GSTZ1: variants seen among roughly 807,000 people sequenced by gnomAD.
GSTZ1 encodes the protein glutathione S-transferase zeta 1.
GSTZ1 carries 34 observed loss-of-function variants against 35.9 expected under a neutral mutation model. The observed-to-expected ratio is 0.95, with a 90% confidence interval of 0.72 to 1.26. The LOEUF is 1.26. GSTZ1 is among the 50% of genes most tolerant of loss of function. The probability of loss-of-function intolerance (pLI) is 0.00; values close to 1 mark genes in which losing one functional copy is unlikely to be tolerated. For synonymous variants in GSTZ1, 93 were observed against 101.2 expected, an observed-to-expected ratio of 0.92 and a Z score of 0.49; for missense variants, 263 against 271.7, an observed-to-expected ratio of 0.97 and a Z score of 0.23.
chr14:77,323,189 C>G (rs896373652), intron 1 of GSTZ1: 2 of 152,156 alleles, frequency 1.3e-5, no homozygotes, highest in African/African-American at 4.8e-5. Flanking sequence ...TGGGCCATGG[C>G]AGACCTGAGA....
At chr14:77,328,951 C>T (rs1892471495) in intron 5 of GSTZ1, 172 bp from the exon 6 acceptor site, 1 of 561,000 alleles carries the variant, frequency 1.8e-6, no homozygotes, top group Non-Finnish European at 3.1e-6. Flanking sequence ...TGGCTACCTC[C>T]CTCCAACCTC....
rs1193506165 is a variant in GSTZ1 at position 77,329,688 on chromosome 14, A to G, written c.422-67A>G. The G allele has an allele frequency of 2.5e-5, 31 of 1,259,534 alleles. 1 individual carries two copies. Among genetic ancestry groups the G allele is most frequent in the Non-Finnish European group, 1.2e-6 (1 of 857,006 alleles). 78.0% of individuals were successfully genotyped at this position (1,259,534 alleles called of 1,614,324 possible). A position where few individuals can be genotyped will look rare whatever the true frequency, so the allele number is the denominator to read the frequency against. ...CGCCCATTTCATAACTATGGAGGCC[A>G]AGGCCCAGAAAGCTTTGTGTCCCCT... is the stretch of plus-strand genomic sequence containing the variant. On this transcript the variant is annotated intron_variant, in intron 6 of 8. Coordinates refer to ENST00000216465, the MANE Select transcript of GSTZ1 (RefSeq NM_145870.3).
intron 6 of GSTZ1, chr14:77,329,522 C>T (rs1411952480): frequency 1.7e-6 from 1 of 595,918 alleles, no homozygotes; most frequent in African/African-American, 1.9e-5. Flanking sequence ...TGGCCAGTGG[C>T]AGGGCTTGTC....
chr14:77,331,193 T>C lies in GSTZ1; in HGVS notation c.649T>C (p.Ter217GlnextTer19). The change falls in exon 9 of 9, where the codon TAG becomes CAG. Residue 217 changes from the stop codon to glutamine, a stop_lost. Transcript: ENST00000216465. Reference protein sequence around the residue: ...QPDTPTELRA* With the variant: ...QPDTPTELRAQ ...AGATACACCCACTGAGCTGAGGGCC[T>C]AGCTCCCAAATCCTGCCCCGTTGGC... The C allele has an allele frequency of 6.2e-7, 1 of 1,612,694 alleles. No individual in the cohort carries two copies. Among genetic ancestry groups the C allele is most frequent in the East Asian group, 2.2e-5 (1 of 44,860 alleles).
At chr14:77,327,737 C>G in intron 4 of GSTZ1, 175 bp from the exon 5 acceptor site, 3 of 729,704 alleles carry the variant, frequency 4.1e-6, no homozygotes, top group South Asian at 3.5e-5. Context: ...CATGGAGAAC[C>G]AAGTTCTGCA....
Position 77,331,290 on chromosome 14 carries a change from G to GA in GSTZ1, c.*96dup. On this transcript the variant is annotated 3_prime_UTR_variant, in exon 9 of 9. Transcript: ENST00000216465. ...ACGAGAGTCTTAATTGAGGAGATGG[G>GA]AGACTCGAACTCTAGCCCTGGATCT... is the stretch of plus-strand genomic sequence containing the variant. 2 of 1,390,398 alleles carry GA rather than the reference G, an allele frequency of 1.4e-6. No individual in the cohort carries two copies. The highest frequency in any genetic ancestry group is 1.9e-6 in the Non-Finnish European group (2 of 1,032,162). The allele number at this position is 1,390,398 out of a possible 1,614,324, so 86.1% of individuals were successfully genotyped here. A position where few individuals can be genotyped will look rare whatever the true frequency, so the allele number is the denominator to read the frequency against.
chr14:77,328,131 CAAGG>C (rs1396366997), intron 5 of GSTZ1, 94 bp downstream of exon 5: 9 of 1,215,296 alleles, frequency 7.4e-6, no homozygotes, highest in East Asian at 5.0e-5. Context: ...GCGGGGGTGT[CAAGG>C]GAGGGAGGGG....
chr14:77,325,823 TCCAAGAAGATGAACCCATCCCTGGG>T (rs1490076119), intron 2 of GSTZ1: 2 of 152,192 alleles, frequency 1.3e-5, no homozygotes, highest in African/African-American at 4.8e-5. Flanking sequence ...GAAACTTTCC[TCCAAGAAGATGAACCCATCCCTGGG>T]CGCCAGTACC....
chr14:77,321,039 G>T lies in GSTZ1; in HGVS notation c.-130G>T. 1 of 1,052,612 alleles carries T rather than the reference G, an allele frequency of 9.5e-7. No individual in the cohort carries two copies. Among genetic ancestry groups the T allele is most frequent in the Non-Finnish European group, 1.3e-6 (1 of 749,682 alleles). The allele number at this position is 1,052,612 out of a possible 1,614,324, so 65.2% of individuals were successfully genotyped here. A position where few individuals can be genotyped will look rare whatever the true frequency, so the allele number is the denominator to read the frequency against. On this transcript the variant is annotated 5_prime_UTR_variant, in exon 1 of 9. Transcript: ENST00000216465. ...AGAGGCGACCGGAAGGATCTTTCTAGTCCAGCCCCTCGCTTTACCCGGACG... is the reference window on the plus strand; with the variant it reads ...AGAGGCGACCGGAAGGATCTTTCTATTCCAGCCCCTCGCTTTACCCGGACG...
At position 77,327,525 on chromosome 14, in the gene GSTZ1, G is replaced by T. The variant is rs1299346404; in HGVS notation, c.189G>T (p.Lys63Asn). The T allele has an allele frequency of 9.3e-6, 15 of 1,607,812 alleles. No individual in the cohort carries two copies. Among genetic ancestry groups the T allele is most frequent in the African/African-American group, 4.0e-5 (3 of 74,840 alleles). Residue 63 changes from lysine (K) to asparagine (N), a missense_variant, in exon 4 of 9, where the codon AAG becomes AAT. Lys to Asn is a moderately conservative substitution (Grantham distance 94). Coordinates refer to ENST00000216465, the MANE Select transcript of GSTZ1 (RefSeq NM_145870.3). Reference protein sequence around the residue: ...LNPMKQVPTLKIDGITIHQSL... With the variant: ...LNPMKQVPTLNIDGITIHQSL... ...CTATGAAGCAGGTGCCAACCCTGAA[G>T]ATTGATGGAATCACCATTCACCAGT...
chr14:77,330,798 A>G (rs1892584616), intron 8 of GSTZ1, among the ~76,000 whole-genome samples: 1 of 152,186 alleles, frequency 6.6e-6, no homozygotes, highest in African/African-American at 2.4e-5. Context: ...GAAGCTTACA[A>G]CATGGGGGAA....
At chr14:77,328,116 T>G in intron 5 of GSTZ1, 79 bp downstream of exon 5, 1 of 1,460,330 alleles carries the variant, frequency 6.8e-7, no homozygotes. Flanking sequence ...CTGCCCAGTG[T>G]GGGGGCGGGG....
At position 77,321,152 on chromosome 14, in the gene GSTZ1, G is replaced by T; in HGVS notation, c.-17G>T. The T allele has an allele frequency of 6.9e-7, 1 of 1,454,398 alleles. No individual in the cohort carries two copies. The highest frequency in any genetic ancestry group is 1.4e-5 in the South Asian group (1 of 70,310). 90.1% of individuals were successfully genotyped at this position (1,454,398 alleles called of 1,614,324 possible). On this transcript the variant is annotated 5_prime_UTR_variant, in exon 1 of 9. Transcript: ENST00000216465. ...GAAGTTTCTCGGCCTGGAGGAGGGG[G>T]TCGCGCGAAGTGCCAGATGCAGGCG...
intron 1 of GSTZ1, chr14:77,324,503 C>T: frequency 9.6e-7 from 1 of 1,038,234 alleles, no homozygotes; most frequent in East Asian, 2.6e-5. Context: ...AGCCCAGCTT[C>T]CCCATTGGCT....
rs576526704 is a variant in GSTZ1, at chr14:77,329,921, A to G, written c.474+114A>G. 7 of 802,154 alleles carry G rather than the reference A, an allele frequency of 8.7e-6. No individual in the cohort carries two copies. In the African/African-American group the frequency reaches 1.0e-4, roughly 12 times the overall value. 49.7% of individuals were successfully genotyped at this position (802,154 alleles called of 1,614,324 possible). A position where few individuals can be genotyped will look rare whatever the true frequency, so the allele number is the denominator to read the frequency against. ...GCGTCTGCAGGGGGATCTCTGTGCC[A>G]TGGGGCACTCCTCAGCTCACTCCCA... On this transcript the variant is annotated intron_variant, in intron 7 of 8. Coordinates refer to ENST00000216465, the MANE Select transcript of GSTZ1 (RefSeq NM_145870.3).
chr14:77,325,407 A>G (rs984718876), intron 2 of GSTZ1: 4 of 194,152 alleles, frequency 2.1e-5, no homozygotes, highest in African/African-American at 9.3e-5. Context: ...GGCAAAGGTC[A>G]TAACCAAAGC....
chr14:77,330,547 A>C (rs1206039409), intron 8 of GSTZ1, among the ~76,000 whole-genome samples, 188 bp downstream of exon 8: 1 of 152,168 alleles, frequency 6.6e-6, no homozygotes, highest in Non-Finnish European at 1.5e-5. Context: ...TACTACGCCC[A>C]CCACAGCCCA....
rs1266632032 is a variant in GSTZ1, at chr14:77,324,301, C to T, written c.16-569C>T. 7 of 419,058 alleles carry T rather than the reference C, an allele frequency of 1.7e-5. No homozygotes were observed. In the Admixed American group the frequency reaches 1.7e-4, roughly 10 times the overall value. 26.0% of individuals were successfully genotyped at this position (419,058 alleles called of 1,614,324 possible). On this transcript the variant is annotated intron_variant, in intron 1 of 8. Coordinates refer to ENST00000216465, the MANE Select transcript of GSTZ1 (RefSeq NM_145870.3). ...GAGATTACAGGCACCCACTACCACA[C>T]CTGGCTGATTTTTTTTTGTATTTTC... is the stretch of plus-strand genomic sequence containing the variant.
rs77081668 is a variant in GSTZ1 at position 77,328,714 on chromosome 14, G to A, written c.343-409G>A. On this transcript the variant is annotated intron_variant, in intron 5 of 8. Transcript: ENST00000216465. Reference sequence around the variant, plus strand: ...GCCAGGCTGGAAATCTCTGGAAGCCGGTCTTGTGGACCTCCCTCATCCCAG... The same window carrying A: ...GCCAGGCTGGAAATCTCTGGAAGCCAGTCTTGTGGACCTCCCTCATCCCAG... 5.6e-3 allele frequency: 1,066 copies of A among 189,062 alleles called. 11 individuals carry two copies. Among genetic ancestry groups the A allele is most frequent in the African/African-American group, 0.024 (1,007 of 42,546 alleles). The allele number at this position is 189,062 out of a possible 1,614,324, so 11.7% of individuals were successfully genotyped here.
Sources: gnomAD v4.1 joint callset for allele counts (sites outside exome capture counted in the v4.1 genomes callset) on GRCh38, gnomAD v4.1.1 for gene constraint, MANE v1.5 for transcripts, NCBI Gene and HGNC (gene_info 2026-07-23, HGNC 2026-07-21) for gene names.